TRRAP: variants seen among roughly 807,000 people sequenced by gnomAD.
TRRAP encodes transformation/transcription domain-associated protein.
Under a neutral mutation model 438.8 loss-of-function variants are expected in TRRAP, and 41 were observed. That is an observed-to-expected ratio of 0.09 (90% CI 0.07 to 0.12). The LOEUF (loss-of-function observed/expected upper bound fraction) is 0.12. TRRAP is among the 10% of genes least tolerant of loss of function. TRRAP has a pLI of 1.00. For missense variants in TRRAP, 3,122 were observed against 5,055.1 expected, an observed-to-expected ratio of 0.62 and a Z score of 11.60; for synonymous variants, 1,994 against 1,962.9, an observed-to-expected ratio of 1.02 and a Z score of -0.42.
Position 98,967,043 on chromosome 7 carries a change from A to G in TRRAP, c.7179A>G (p.Thr2393=), listed in dbSNP as rs912464017. 2.5e-6 allele frequency: 4 copies of G among 1,611,978 alleles called. No homozygotes were observed. Among genetic ancestry groups the G allele is most frequent in the South Asian group, 2.2e-5 (2 of 90,782 alleles). The change falls in exon 50 of 73, where the codon ACA becomes ACG. Residue 2393 remains threonine (T), a splice_region_variant and synonymous_variant. Transcript: ENST00000456197. ...GTCTTTTCTCAAATTTCATACAGAC[A>G]CCTACACTCCGGGAGAAGTCCATTT... ...KNNSPMAANQ[T]PTLREKSILL... is the part of the protein sequence containing the mutation.
In TRRAP at chr7:99,011,592, G is replaced by A. The variant is rs1794429289; in HGVS notation, c.11337+57G>A. 19 of 1,563,056 alleles carry A rather than the reference G, an allele frequency of 1.2e-5. No homozygotes were observed. The East Asian group carries it at 2.5e-4, about 20-fold the overall frequency. The stretch of plus-strand genomic sequence containing the variant: ...AGGCTAGAGCCACTCAGATGCCCGC[G>A]CGTCACGGCCTTGCAGGAGCTGCTG... On this transcript the variant is annotated intron_variant, in intron 72 of 72. Coordinates refer to ENST00000456197, the MANE Select transcript of TRRAP (RefSeq NM_001375524.1). The surrounding 1 kb of genome is among the most constrained non-coding windows in gnomAD (Gnocchi z 7.1).
Position 98,937,832 on chromosome 7 carries a change from G to T in TRRAP, c.4404+12G>T. ...GTGATCAGATGATGGTAAGCCAAAT[G>T]CATTTAAACGCTCTGTAACAAACTT... On this transcript the variant is annotated intron_variant, in intron 30 of 72. Transcript: ENST00000456197. The T allele has an allele frequency of 6.3e-7, 1 of 1,599,740 alleles. No homozygotes were observed. Among genetic ancestry groups the T allele is most frequent in the Non-Finnish European group, 8.5e-7 (1 of 1,174,488 alleles).
Position 99,011,599 on chromosome 7 carries a change from G to T in TRRAP, c.11337+64G>T. On this transcript the variant is annotated intron_variant, in intron 72 of 72. Transcript: ENST00000456197. The surrounding 1 kb of genome is among the most constrained non-coding windows in gnomAD (Gnocchi z 7.1). ...AGCCACTCAGATGCCCGCGCGTCACGGCCTTGCAGGAGCTGCTGATGTGCC... is the reference window on the plus strand; with the variant it reads ...AGCCACTCAGATGCCCGCGCGTCACTGCCTTGCAGGAGCTGCTGATGTGCC... 6.5e-7 allele frequency: 1 copy of T among 1,546,274 alleles called. No individual in the cohort carries two copies. The highest frequency in any genetic ancestry group is 8.7e-7 in the Non-Finnish European group (1 of 1,145,922).
intron 1 of TRRAP, among the ~76,000 whole-genome samples, chr7:98,879,514 A>G (rs1202804976): frequency 2.6e-5 from 4 of 151,090 alleles, no homozygotes; most frequent in Non-Finnish European, 5.9e-5. Context: ...GTCCCCTCGG[A>G]TGGGGATGGA....
In TRRAP at chr7:98,961,257, G is replaced by C. The variant is rs160384; in HGVS notation, c.6490-4G>C. Reference sequence around the variant, plus strand: ...CTGTGAGTGGCCTGTGTTGTCCATTGCAGGAGCAGCCAAACCAAGTGAACT... The same window carrying C: ...CTGTGAGTGGCCTGTGTTGTCCATTCCAGGAGCAGCCAAACCAAGTGAACT... On this transcript the variant is annotated splice_region_variant and splice_polypyrimidine_tract_variant and intron_variant, in intron 45 of 72. Transcript: ENST00000456197. 1,476,018 of 1,613,808 alleles carry C rather than the reference G, an allele frequency of 0.91. 675,976 individuals are homozygous for C. The highest frequency in any genetic ancestry group is 0.93 in the South Asian group (84,671 of 91,074).
rs1789212174 is a variant in TRRAP, at chr7:98,910,710, G to A, written c.1812+103G>A. The A allele has an allele frequency of 3.2e-6, 3 of 949,718 alleles. No homozygotes were observed. In the South Asian group the frequency reaches 5.2e-5, roughly 16 times the overall value. The allele number at this position is 949,718 out of a possible 1,614,324, so 58.8% of individuals were successfully genotyped here. ...CAGTGAGAGCTGTTAGTATTTGGAT[G>A]GTCCACAGTATTTGTATACCCAGAT... On this transcript the variant is annotated intron_variant, in intron 16 of 72. Transcript: ENST00000456197.
Position 98,955,313 on chromosome 7 carries a change from GA to G in TRRAP, c.5937+10del. 1 of 1,599,090 alleles carries G rather than the reference GA, an allele frequency of 6.3e-7. No homozygotes were observed. The highest frequency in any genetic ancestry group is 8.6e-7 in the Non-Finnish European group (1 of 1,168,192). ...TAGTGCAACACTTCAAGGTGTGTAGGAGGGACGGTGGGCTGCGGGGCGCGCG... is the reference window on the plus strand; with the variant it reads ...TAGTGCAACACTTCAAGGTGTGTAGGGGGACGGTGGGCTGCGGGGCGCGCG... On this transcript the variant is annotated intron_variant, in intron 41 of 72. Transcript: ENST00000456197.
Position 98,949,276 on chromosome 7 carries a change from G to A in TRRAP, c.4789-141G>A, listed in dbSNP as rs11768515. 3.2e-5 allele frequency: 32 copies of A among 996,652 alleles called. No individual in the cohort carries two copies. The East Asian group carries it at 5.7e-4, about 18-fold the overall frequency. The allele number at this position is 996,652 out of a possible 1,614,324, so 61.7% of individuals were successfully genotyped here. A position where few individuals can be genotyped will look rare whatever the true frequency, so the allele number is the denominator to read the frequency against. ...AAAAGCATCTTTTTAAAAAGCATGC[G>A]TGTGGTGCTTTTTTGGTAAGCCTTC... On this transcript the variant is annotated intron_variant, in intron 35 of 72. Coordinates refer to ENST00000456197, the MANE Select transcript of TRRAP (RefSeq NM_001375524.1).
At position 98,986,815 on chromosome 7, in the gene TRRAP, G is replaced by A. The variant is rs185500189; in HGVS notation, c.9389+1771G>A. ...CATTTATTCTTATGTTTTCTTCTAAGCATTTCATAGATTTAGCTCTTACAT... is the reference window on the plus strand; with the variant it reads ...CATTTATTCTTATGTTTTCTTCTAAACATTTCATAGATTTAGCTCTTACAT... On this transcript the variant is annotated intron_variant, in intron 62 of 72. Coordinates refer to ENST00000456197, the MANE Select transcript of TRRAP (RefSeq NM_001375524.1). Among the ~76,000 whole-genome samples, 81 of 152,188 alleles carry A rather than the reference G, an allele frequency of 5.3e-4. 1 individual carries two copies. Among genetic ancestry groups the A allele is most frequent in the African/African-American group, 1.8e-3 (76 of 41,516 alleles).
intron 52 of TRRAP, 149 bp downstream of exon 52, chr7:98,970,440 C>T: frequency 1.0e-6 from 1 of 987,402 alleles, no homozygotes; most frequent in Non-Finnish European, 1.5e-6. Context: ...CGGGCAGAAT[C>T]CCAGAGGAGT....
At position 99,002,850 on chromosome 7, in the gene TRRAP, G is replaced by A. The variant is rs115671494; in HGVS notation, c.10310-1340G>A. ...GCTGGGTGTTATCACGCGTGGGCAGGGATGGTCAGGCCACTTGAATAGCTG... is the reference window on the plus strand; with the variant it reads ...GCTGGGTGTTATCACGCGTGGGCAGAGATGGTCAGGCCACTTGAATAGCTG... On this transcript the variant is annotated intron_variant, in intron 67 of 72. Transcript: ENST00000456197. Among the ~76,000 whole-genome samples the A allele has an allele frequency of 5.5e-3, 833 of 152,320 alleles. 6 individuals are homozygous for A. The highest frequency in any genetic ancestry group is 0.019 in the African/African-American group (808 of 41,564).
At chr7:98,905,578 G>A (rs1179741697) in intron 12 of TRRAP, among the ~76,000 whole-genome samples, 3 of 152,164 alleles carry the variant, frequency 2.0e-5, no homozygotes, top group Admixed American at 1.3e-4. Context: ...GTTCAGGCCT[G>A]CAAGGACGCA....
At chr7:98,980,438 T>C (rs1206127351) in intron 58 of TRRAP, among the ~76,000 whole-genome samples, 3 of 151,942 alleles carry the variant, frequency 2.0e-5, no homozygotes, top group African/African-American at 7.3e-5. Context: ...TATTTTTAAA[T>C]GAGATTAACA....
In TRRAP at chr7:98,893,896, A is replaced by G; in HGVS notation, c.450+15A>G. 1 of 1,611,306 alleles carries G rather than the reference A, an allele frequency of 6.2e-7. No homozygotes were observed. The highest frequency in any genetic ancestry group is 8.5e-7 in the Non-Finnish European group (1 of 1,178,992). The stretch of plus-strand genomic sequence containing the variant: ...TCACACAAGAAGTAAGTTGTTTAAA[A>G]TCCTTATAGCATTTATAAAGTGTGT... On this transcript the variant is annotated intron_variant, in intron 6 of 72. Transcript: ENST00000456197.
chr7:98,895,954 A>T, intron 7 of TRRAP, 134 bp downstream of exon 7: 1 of 593,976 alleles, frequency 1.7e-6, no homozygotes, highest in Non-Finnish European at 2.6e-6. Flanking sequence ...ATGTTTAGCA[A>T]TGGTTAAAAA....
In TRRAP at chr7:98,959,716, G is replaced by A. The variant is rs191175318; in HGVS notation, c.6489+226G>A. On this transcript the variant is annotated intron_variant, in intron 45 of 72. Coordinates refer to ENST00000456197, the MANE Select transcript of TRRAP (RefSeq NM_001375524.1). Reference sequence around the variant, plus strand: ...AATGGCTTTGCTCTTGAGGCTTTAGGAGTTCGAGACCAGTCTGGGCAGCAT... The same window carrying A: ...AATGGCTTTGCTCTTGAGGCTTTAGAAGTTCGAGACCAGTCTGGGCAGCAT... Among the ~76,000 whole-genome samples the A allele has an allele frequency of 8.3e-3, 1,268 of 152,164 alleles. 9 individuals carry two copies. Among genetic ancestry groups the A allele is most frequent in the Non-Finnish European group, 0.014 (956 of 67,996 alleles).
chr7:98,931,716 C>CT, intron 26 of TRRAP, 51 bp downstream of exon 26: 52 of 1,581,910 alleles, frequency 3.3e-5, no homozygotes, highest in Non-Finnish European at 4.1e-5. Context: ...ACTTTTGAGC[C>CT]TTTTTTTTAA....
intron 31 of TRRAP, among the ~76,000 whole-genome samples, chr7:98,944,139 C>T (rs977556251): frequency 3.3e-5 from 5 of 152,104 alleles, no homozygotes; most frequent in African/African-American, 1.2e-4. Flanking sequence ...ATTAATGAGC[C>T]CAGGCTCCTG....
chr7:98,968,298 C>T (rs1392381181), intron 51 of TRRAP, among the ~76,000 whole-genome samples: 1 of 152,142 alleles, frequency 6.6e-6, no homozygotes, highest in Non-Finnish European at 1.5e-5. Flanking sequence ...TGATTACAGG[C>T]ATGAGGCACC....
Sources: allele counts gnomAD v4.1 joint callset (sites outside exome capture counted in the v4.1 genomes callset), GRCh38; gene constraint gnomAD v4.1.1; non-coding constraint Gnocchi (gnomAD v3.1); transcripts MANE v1.5; gene names NCBI Gene and HGNC (gene_info 2026-07-23, HGNC 2026-07-21).